Variants in CCPG1 observed in about 807,000 individuals in gnomAD.
CCPG1 encodes cell cycle progression protein 1.
In CCPG1, 46 loss-of-function variants were observed where a neutral mutation model predicts 81.3. The ratio of observed to expected loss-of-function variants is 0.57; its 90% confidence interval spans 0.45 to 0.72. The LOEUF is 0.72. CCPG1 is among the 30% of genes least tolerant of loss of function. The probability of loss-of-function intolerance (pLI) is 0.00; values close to 1 mark genes in which losing one functional copy is unlikely to be tolerated. For synonymous variants in CCPG1, 330 were observed against 305.2 expected (o/e 1.08, Z -0.85); for missense variants, 902 against 937.6 (o/e 0.96, Z 0.50).
At chr15:55,368,100 T>C (rs899361829) in intron 6 of CCPG1, among the ~76,000 whole-genome samples, 1 of 152,184 alleles carries the variant, frequency 6.6e-6, no homozygotes, top group Non-Finnish European at 1.5e-5. Flanking sequence ...AATCCAGGTA[T>C]ATGGAGAGGT....
At chr15:55,371,154 G>C (rs1951583133) in intron 6 of CCPG1, among the ~76,000 whole-genome samples, 1 of 152,110 alleles carries the variant, frequency 6.6e-6, no homozygotes, top group African/African-American at 2.4e-5. Flanking sequence ...GCTCCTAAAT[G>C]AAAAAGTAAA....
rs777821113 is a variant in CCPG1 at position 55,360,958 on chromosome 15, T to C, written c.829-14A>G. The C allele has an allele frequency of 1.2e-5, 18 of 1,498,856 alleles. No homozygotes were observed. In the African/African-American group the frequency reaches 1.6e-4, roughly 13 times the overall value. 92.8% of individuals were successfully genotyped at this position (1,498,856 alleles called of 1,614,324 possible). On this transcript the variant is annotated splice_polypyrimidine_tract_variant and intron_variant, in intron 7 of 8. Transcript: ENST00000442196. Reference sequence around the variant, plus strand: ...TTCTTTCAATGACTACATTTTTTTTTGAAAGAGAAGAAATAAAATGTCAAA... The same window carrying C: ...TTCTTTCAATGACTACATTTTTTTTCGAAAGAGAAGAAATAAAATGTCAAA...
intron 5 of CCPG1, chr15:55,374,355 C>T (rs969218889): frequency 7.3e-6 from 4 of 551,264 alleles, no homozygotes; most frequent in South Asian, 1.9e-5. Flanking sequence ...CATTGTTATC[C>T]GTACAAAATT....
rs796090679 is a variant in CCPG1, at chr15:55,355,929, AG to A, written c.*290del. On this transcript the variant is annotated 3_prime_UTR_variant, in exon 9 of 9. Transcript: ENST00000442196. ...GCTTGCTTTAAGCTCTTACACTGAA[AG>A]GAAGTCTCATTTCATGCACAAAATC... 2.5e-5 allele frequency: 10 copies of A among 399,014 alleles called. No homozygotes were observed. The highest frequency in any genetic ancestry group is 2.1e-4 in the African/African-American group (10 of 47,328). The allele number at this position is 399,014 out of a possible 1,614,324, so 24.7% of individuals were successfully genotyped here.
chr15:55,376,848 C>A (rs2056576492), intron 5 of CCPG1, 101 bp downstream of exon 5: 8 of 824,872 alleles, frequency 9.7e-6, no homozygotes, highest in East Asian at 5.0e-5. Context: ...TTTACCCAAA[C>A]ATATTCAAAA....
intron 6 of CCPG1, among the ~76,000 whole-genome samples, chr15:55,366,242 T>C (rs2056324304): frequency 6.6e-6 from 1 of 152,180 alleles, no homozygotes; most frequent in Non-Finnish European, 1.5e-5. Context: ...CAGCCTCCCT[T>C]ATACAGAGAA....
intron 7 of CCPG1, 137 bp downstream of exon 7, chr15:55,365,051 C>T: frequency 3.4e-6 from 2 of 586,494 alleles, no homozygotes; most frequent in Admixed American, 3.2e-5. Flanking sequence ...CTAGGACACA[C>T]TAAATACCCG....
chr15:55,361,657 G>T (rs906370971), intron 7 of CCPG1, among the ~76,000 whole-genome samples: 1 of 151,184 alleles, frequency 6.6e-6, no homozygotes, highest in African/African-American at 2.4e-5. Context: ...AGTGAGCCGA[G>T]ATCGCACCAC....
chr15:55,381,775 T>C (rs147914296), intron 3 of CCPG1, among the ~76,000 whole-genome samples: 166 of 152,228 alleles, frequency 1.1e-3, no homozygotes, highest in African/African-American at 3.9e-3. Context: ...TTTCTCTATA[T>C]AAATAATGTG....
intron 3 of CCPG1, among the ~76,000 whole-genome samples, chr15:55,381,388 A>G (rs2056691715): frequency 6.6e-6 from 1 of 151,960 alleles, no homozygotes; most frequent in South Asian, 2.1e-4. Context: ...AGCTGAGATC[A>G]TTGCGCCACT....
chr15:55,405,598 T>C (rs1191633256), intron 1 of CCPG1, among the ~76,000 whole-genome samples: 1 of 152,056 alleles, frequency 6.6e-6, no homozygotes, highest in Non-Finnish European at 1.5e-5. Context: ...TAGCCCCAGC[T>C]ATGTGGGAGG....
At position 55,360,353 on chromosome 15, in the gene CCPG1, T is replaced by C; in HGVS notation, c.1420A>G (p.Ser474Gly). ...TTTGACTTATTTTTAGCCCTGTGGC[T>C]TCCTCTGCCCCCTTTCTTTTTTCCA... is the stretch of plus-strand genomic sequence containing the variant. The part of the protein sequence containing the change: ...TDGKKKGGRG[S>G]HRAKNKSKET... The change falls in exon 8 of 9, where the codon AGC becomes GGC. Residue 474 changes from serine to glycine, a missense_variant. Around this residue, in one of 3 missense-constraint regions of CCPG1, gnomAD observed 746 missense variants for 728.6 expected, o/e 1.02. Coordinates refer to ENST00000442196, the MANE Select transcript of CCPG1 (RefSeq NM_001204450.2). 1 of 1,613,962 alleles carries C rather than the reference T, an allele frequency of 6.2e-7. No homozygotes were observed. The highest frequency in any genetic ancestry group is 1.7e-5 in the Admixed American group (1 of 60,006).
intron 1 of CCPG1, among the ~76,000 whole-genome samples, chr15:55,401,733 A>G (rs1224140870): frequency 6.6e-6 from 1 of 151,984 alleles, no homozygotes; most frequent in Non-Finnish European, 1.5e-5. Context: ...TGCAGGTTAC[A>G]TACACTTATA....
Position 55,359,477 on chromosome 15 carries a change from A to G in CCPG1, c.2234+62T>C, listed in dbSNP as rs1196087278. The G allele has an allele frequency of 4.6e-6, 7 of 1,512,362 alleles. No homozygotes were observed. In the African/African-American group the frequency reaches 9.8e-5, roughly 21 times the overall value. The allele number at this position is 1,512,362 out of a possible 1,614,324, so 93.7% of individuals were successfully genotyped here. ...TACAAGAAACTCATCAAATCATAAA[A>G]ATGCTATCCAATCTACAAATGTTAC... On this transcript the variant is annotated intron_variant, in intron 8 of 8. Transcript: ENST00000442196.
chr15:55,359,535 C>A lies in CCPG1; in HGVS notation c.2234+4G>T, dbSNP rs376266856. On this transcript the variant is annotated splice_donor_region_variant and intron_variant, in intron 8 of 8. Coordinates refer to ENST00000442196, the MANE Select transcript of CCPG1 (RefSeq NM_001204450.2). ...TGTAATGACACGGTTTTATGTAAAC[C>A]GACCTGGGTCCATATGGAGGGGAAA... 5 of 1,588,226 alleles carry A rather than the reference C, an allele frequency of 3.1e-6. No homozygotes were observed. In the African/African-American group the frequency reaches 5.4e-5, roughly 17 times the overall value.
At chr15:55,367,240 A>G (rs576514751) in intron 6 of CCPG1, among the ~76,000 whole-genome samples, 53 of 152,326 alleles carry the variant, frequency 3.5e-4, no homozygotes, top group African/African-American at 1.3e-3. Flanking sequence ...AGTAACAGAA[A>G]ACTTCTGCAA....
intron 1 of CCPG1, among the ~76,000 whole-genome samples, chr15:55,394,904 TCTC>T (rs1479476583): frequency 6.6e-6 from 1 of 151,998 alleles, no homozygotes; most frequent in African/African-American, 2.4e-5. Context: ...TTGACCAACT[TCTC>T]TTCCTCACCC....
intron 1 of CCPG1, among the ~76,000 whole-genome samples, chr15:55,406,922 A>T (rs1368303165): frequency 6.6e-6 from 1 of 152,004 alleles, no homozygotes; most frequent in Non-Finnish European, 1.5e-5. Context: ...AAGGTTAAAA[A>T]TTATGAATTA....
rs539366664 is a variant in CCPG1 at position 55,362,577 on chromosome 15, G to C, written c.829-1633C>G. Among the ~76,000 whole-genome samples, 63 of 152,286 alleles carry C rather than the reference G, an allele frequency of 4.1e-4. No homozygotes were observed. In the South Asian group the frequency reaches 0.013, roughly 31 times the overall value. ...TGATGCACTGGTGTGGCATAATCTT[G>C]AAATGCACAAGCCCAGGAAGCCACA... On this transcript the variant is annotated intron_variant, in intron 7 of 8. Coordinates refer to ENST00000442196, the MANE Select transcript of CCPG1 (RefSeq NM_001204450.2).
Sources: allele counts gnomAD v4.1 joint callset (sites outside exome capture counted in the v4.1 genomes callset), GRCh38; gene constraint gnomAD v4.1.1; regional missense constraint gnomAD v4.1.1; transcripts MANE v1.5; gene names NCBI Gene and HGNC (gene_info 2026-07-23, HGNC 2026-07-21).